Variants in DGKB observed in about 807,000 individuals in gnomAD.
DGKB encodes 90 kDa diacylglycerol kinase.
A neutral mutation model predicts 114.3 loss-of-function variants in DGKB; 67 were observed. The ratio of observed to expected loss-of-function variants is 0.59; its 90% CI spans 0.48 to 0.72. The LOEUF is 0.72. DGKB is among the 30% of genes least tolerant of loss of function. The probability of loss-of-function intolerance (pLI) is 0.00; values close to 1 mark genes in which losing one functional copy is unlikely to be tolerated. For synonymous variants in DGKB, 398 were observed against 323.1 expected, an observed-to-expected ratio of 1.23 and a Z score of -2.49; for missense variants, 907 against 975.2, an observed-to-expected ratio of 0.93 and a Z score of 0.93.
At chr7:14,639,104 T>C (rs1811275968) in intron 13 of DGKB, among the ~76,000 whole-genome samples, 1 of 151,966 alleles carries the variant, frequency 6.6e-6, no homozygotes, top group Admixed American at 6.6e-5. Context: ...TCGATCTAGA[T>C]GTATGTGGGG....
chr7:14,355,715 C>T (rs1814325412), intron 21 of DGKB, among the ~76,000 whole-genome samples: 1 of 152,136 alleles, frequency 6.6e-6, no homozygotes, highest in African/African-American at 2.4e-5. Flanking sequence ...CGATCTTCAT[C>T]AGGGATATTG....
At chr7:14,937,073 C>CAT (rs1785313342) in intron 1 of DGKB, among the ~76,000 whole-genome samples, 1 of 101,490 alleles carries the variant, frequency 9.9e-6, no homozygotes, top group Non-Finnish European at 2.2e-5. Flanking sequence ...CACACACACA[C>CAT]ATCTTTTGTT....
rs1350702795 is a variant in DGKB at position 14,147,614 on chromosome 7, A to G, written c.*1517T>C. The G allele has an allele frequency of 3.3e-5, 5 of 152,426 alleles. No individual in the cohort carries two copies. The highest frequency in any genetic ancestry group is 7.4e-5 in the Non-Finnish European group (5 of 68,002). The allele number at this position is 152,426 out of a possible 1,614,324, so 9.4% of individuals were successfully genotyped here. On this transcript the variant is annotated 3_prime_UTR_variant, in exon 26 of 26. Transcript: ENST00000402815. ...ATGAATGAATCAATAACAAAATAGAACCGATAAATCATTAGCACTTTAATG... is the reference window on the plus strand; with the variant it reads ...ATGAATGAATCAATAACAAAATAGAGCCGATAAATCATTAGCACTTTAATG...
chr7:14,576,571 G>T (rs1799149016), intron 19 of DGKB, among the ~76,000 whole-genome samples: 1 of 152,026 alleles, frequency 6.6e-6, no homozygotes, highest in Admixed American at 6.6e-5. Context: ...GTGTGTGTAT[G>T]TGTATACATA....
chr7:14,184,589 T>A (rs925659716), intron 23 of DGKB, among the ~76,000 whole-genome samples: 24 of 151,820 alleles, frequency 1.6e-4, no homozygotes, highest in African/African-American at 5.8e-4. Flanking sequence ...GACCTGCAAA[T>A]CTCATCCCCA....
At chr7:14,527,321 T>C (rs1314922278) in intron 20 of DGKB, among the ~76,000 whole-genome samples, 1 of 152,158 alleles carries the variant, frequency 6.6e-6, no homozygotes, top group East Asian at 1.9e-4. Flanking sequence ...GGAATTTATT[T>C]AGTAATTTGT....
chr7:14,244,257 A>C (rs2128372946), intron 23 of DGKB, among the ~76,000 whole-genome samples: 1 of 152,250 alleles, frequency 6.6e-6, no homozygotes, highest in Non-Finnish European at 1.5e-5. Flanking sequence ...GTTTTCTCAA[A>C]ATTTATTCTT....
chr7:14,377,907 C>G (rs1317565693), intron 21 of DGKB, among the ~76,000 whole-genome samples: 3 of 152,184 alleles, frequency 2.0e-5, no homozygotes, highest in African/African-American at 7.2e-5. Flanking sequence ...ATATAATACT[C>G]TCCCTTTCTC....
At chr7:14,529,773 A>T (rs994785568) in intron 20 of DGKB, among the ~76,000 whole-genome samples, 4 of 151,664 alleles carry the variant, frequency 2.6e-5, no homozygotes, top group African/African-American at 9.7e-5. Context: ...AACAAAATAC[A>T]CTTTTGAGTA....
intron 23 of DGKB, among the ~76,000 whole-genome samples, chr7:14,185,706 T>A (rs978681999): frequency 7.9e-5 from 12 of 151,948 alleles, no homozygotes; most frequent in Non-Finnish European, 1.5e-5. Flanking sequence ...AACCCAGAAA[T>A]AAACCCAAAT....
At chr7:14,435,202 A>G (rs1829060237) in intron 21 of DGKB, among the ~76,000 whole-genome samples, 1 of 152,114 alleles carries the variant, frequency 6.6e-6, no homozygotes, top group Non-Finnish European at 1.5e-5. Flanking sequence ...CATTGCTCTC[A>G]CTTGTTTTGT....
At chr7:14,795,230 T>C (rs1841236568) in intron 2 of DGKB, among the ~76,000 whole-genome samples, 1 of 152,178 alleles carries the variant, frequency 6.6e-6, no homozygotes, top group Admixed American at 6.5e-5. Flanking sequence ...GAACTTAATG[T>C]TGGATCAGGC....
intron 4 of DGKB, among the ~76,000 whole-genome samples, chr7:14,745,703 A>T (rs2128420761): frequency 6.6e-6 from 1 of 152,286 alleles, no homozygotes; most frequent in African/African-American, 2.4e-5. Context: ...GTGGCCTGGT[A>T]TTCAATTTGT....
rs981925732 is a variant in DGKB, at chr7:14,378,724, C to T, written c.1836-33333G>A. The stretch of plus-strand genomic sequence containing the variant: ...ACACTCAGAATTAGAAGGAGGTCTG[C>T]AGCAGGACATATACTGAAAACTTAA... On this transcript the variant is annotated intron_variant, in intron 21 of 25. Coordinates refer to ENST00000402815, the MANE Select transcript of DGKB (RefSeq NM_001350709.2). 5.3e-5 allele frequency among the ~76,000 whole-genome samples: 8 copies of T among 152,140 alleles called. No homozygotes were observed. In the East Asian group the frequency reaches 1.2e-3, roughly 22 times the overall value.
intron 21 of DGKB, among the ~76,000 whole-genome samples, chr7:14,399,881 T>C (rs1012480285): frequency 1.3e-5 from 2 of 151,900 alleles, no homozygotes; most frequent in South Asian, 2.1e-4. Context: ...ACAGTCTTCA[T>C]AGACTGCCAG....
rs1829977593 is a variant in DGKB at position 14,726,038 on chromosome 7, T to G, written c.323-7353A>C. Among the ~76,000 whole-genome samples, 4 of 152,298 alleles carry G rather than the reference T, an allele frequency of 2.6e-5. No homozygotes were observed. The South Asian group carries it at 8.3e-4, about 32-fold the overall frequency. ...GTTAATAAAATACATACACATATTA[T>G]CCCCATTTTACATCTAAGAAAACAG... On this transcript the variant is annotated intron_variant, in intron 5 of 25. Coordinates refer to ENST00000402815, the MANE Select transcript of DGKB (RefSeq NM_001350709.2).
chr7:14,773,496 C>A (rs755258848), intron 2 of DGKB, among the ~76,000 whole-genome samples: 1 of 151,954 alleles, frequency 6.6e-6, no homozygotes, highest in South Asian at 2.1e-4. Flanking sequence ...TGAAGAATGA[C>A]AGAGAAGGTA....
intron 23 of DGKB, among the ~76,000 whole-genome samples, chr7:14,244,889 A>T (rs1011560714): frequency 6.6e-6 from 1 of 151,876 alleles, no homozygotes; most frequent in Non-Finnish European, 1.5e-5. Flanking sequence ...GTGAGAAGTA[A>T]ATTTCTGTTA....
At position 14,239,876 on chromosome 7, in the gene DGKB, G is replaced by A. The variant is rs80102649; in HGVS notation, c.2123-61725C>T. On this transcript the variant is annotated intron_variant, in intron 23 of 25. Transcript: ENST00000402815. ...TCTATCTATCTATTATCAAGGGATT[G>A]AAGTTTAGCTGGGAAAGGGGACTAA... 3.1e-3 allele frequency among the ~76,000 whole-genome samples: 465 copies of A among 152,160 alleles called. 3 individuals carry two copies. The highest frequency in any genetic ancestry group is 5.4e-3 in the Non-Finnish European group (370 of 67,954).
Sources: gnomAD v4.1 joint callset for allele counts (sites outside exome capture counted in the v4.1 genomes callset) on GRCh38, gnomAD v4.1.1 for gene constraint, MANE v1.5 for transcripts, NCBI Gene and HGNC (gene_info 2026-07-23, HGNC 2026-07-21) for gene names.